The following DGKB variants were observed in gnomAD, a reference collection of about 807,000 sequenced individuals.
DGKB encodes the protein diacylglycerol kinase beta.
In DGKB, 67 loss-of-function variants were observed where a neutral mutation model predicts 114.3. The ratio of observed to expected loss-of-function variants is 0.59; its 90% CI spans 0.48 to 0.72. The LOEUF is 0.72. Ranked by LOEUF, DGKB falls within the 30% of genes least tolerant of loss-of-function variation. The pLI, the probability that DGKB is intolerant of heterozygous loss-of-function variation, is 0.00. For missense variants in DGKB, 907 were observed against 975.2 expected (o/e 0.93, Z 0.93); for synonymous variants, 398 against 323.1 (o/e 1.23, Z -2.49).
chr7:14,853,781 T>C (rs1000441575), intron 1 of DGKB, among the ~76,000 whole-genome samples: 11 of 141,006 alleles, frequency 7.8e-5, no homozygotes, highest in African/African-American at 2.9e-4. Context: ...GGCAGGAGAA[T>C]GGCGTGAACC....
At chr7:14,695,626 A>C (rs1274628679) in intron 8 of DGKB, among the ~76,000 whole-genome samples, 1 of 149,328 alleles carries the variant, frequency 6.7e-6, no homozygotes, top group Non-Finnish European at 1.5e-5. Flanking sequence ...CAGCCTCCCG[A>C]GTAGCTGGGA....
At chr7:14,753,869 A>G (rs1428254256) in intron 4 of DGKB, 59 bp downstream of exon 4, 1 of 1,025,108 alleles carries the variant, frequency 9.8e-7, no homozygotes, top group Non-Finnish European at 1.5e-6. Context: ...AGAAATTCAT[A>G]GATCATATCA....
At chr7:14,369,661 G>A (rs1817295027) in intron 21 of DGKB, among the ~76,000 whole-genome samples, 1 of 152,048 alleles carries the variant, frequency 6.6e-6, no homozygotes, top group Non-Finnish European at 1.5e-5. Flanking sequence ...TTGCATTTCT[G>A]TAATGACCAG....
chr7:14,508,662 C>T (rs1787491678), intron 20 of DGKB, among the ~76,000 whole-genome samples: 1 of 152,132 alleles, frequency 6.6e-6, no homozygotes, highest in African/African-American at 2.4e-5. Flanking sequence ...CCTATTAAAT[C>T]AGTTTTAGGG....
Position 14,236,367 on chromosome 7 carries a change from C to T in DGKB, c.2123-58216G>A, listed in dbSNP as rs546072231. Among the ~76,000 whole-genome samples, 10 of 88,634 alleles carry T rather than the reference C, an allele frequency of 1.1e-4. No individual in the cohort carries two copies. The South Asian group carries it at 2.7e-3, about 24-fold the overall frequency. 58.1% of individuals were successfully genotyped at this position (88,634 alleles called of 152,430 possible). On this transcript the variant is annotated intron_variant, in intron 23 of 25. Coordinates refer to ENST00000402815, the MANE Select transcript of DGKB (RefSeq NM_001350709.2). ...AATAAAAAAAAAGCTATTATTTCTG[C>T]CAAAAAAAAGGAAAATTAATAGCAA...
intron 23 of DGKB, among the ~76,000 whole-genome samples, chr7:14,336,218 A>G (rs914735437): frequency 6.6e-6 from 1 of 152,198 alleles, no homozygotes; most frequent in African/African-American, 2.4e-5. Context: ...GCATTTTGAG[A>G]TACTTTTGGT....
intron 19 of DGKB, among the ~76,000 whole-genome samples, chr7:14,577,863 T>C (rs1799391963): frequency 6.6e-6 from 1 of 152,182 alleles, no homozygotes. Flanking sequence ...GTGAACCAAA[T>C]GATTATTGGT....
At chr7:14,477,900 G>A (rs1472410784) in intron 21 of DGKB, among the ~76,000 whole-genome samples, 5 of 151,962 alleles carry the variant, frequency 3.3e-5, no homozygotes, top group Non-Finnish European at 2.9e-5. Flanking sequence ...TTAATTTCAT[G>A]TTTTACTTGA....
At chr7:14,191,111 C>A in intron 23 of DGKB, 1 of 165,044 alleles carries the variant, frequency 6.1e-6, no homozygotes, top group Non-Finnish European at 1.4e-5. Context: ...TGAATACAGC[C>A]ACATTTCAGG....
At chr7:14,231,136 T>TTTC (rs1791768601) in intron 23 of DGKB, among the ~76,000 whole-genome samples, 3 of 124,998 alleles carry the variant, frequency 2.4e-5, no homozygotes, top group Non-Finnish European at 5.3e-5. Flanking sequence ...TCTTTCTTTC[T>TTTC]TTCTTTCTTT....
chr7:14,166,781 C>G (rs926566073), intron 25 of DGKB, among the ~76,000 whole-genome samples: 1 of 152,022 alleles, frequency 6.6e-6, no homozygotes, highest in Non-Finnish European at 1.5e-5. Flanking sequence ...ACCTCCTGGC[C>G]TGGACTTAAA....
rs567184811 is a variant in DGKB, at chr7:14,703,018, T to C, written c.467-1288A>G. 2.7e-5 allele frequency among the ~76,000 whole-genome samples: 4 copies of C among 150,780 alleles called. No homozygotes were observed. In the South Asian group the frequency reaches 8.5e-4, roughly 32 times the overall value. ...ACTGGCTAAAAGACTTAAATATCTG[T>C]ATTGTAAATCATGGTAATGATTCCT... is the stretch of plus-strand genomic sequence containing the variant. On this transcript the variant is annotated intron_variant, in intron 6 of 25. Coordinates refer to ENST00000402815, the MANE Select transcript of DGKB (RefSeq NM_001350709.2).
At chr7:14,749,447 T>C (rs559487154) in intron 4 of DGKB, among the ~76,000 whole-genome samples, 1 of 152,274 alleles carries the variant, frequency 6.6e-6, no homozygotes, top group South Asian at 2.1e-4. Context: ...TTATGAAGAC[T>C]CAGTAGAAAG....
intron 23 of DGKB, among the ~76,000 whole-genome samples, chr7:14,201,297 C>T (rs181935781): frequency 1.7e-3 from 264 of 152,014 alleles, no homozygotes; most frequent in Middle Eastern, 6.8e-3. Flanking sequence ...GGTCTCACTC[C>T]TAGTAACATC....
At chr7:14,180,855 T>C (rs543319211) in intron 23 of DGKB, among the ~76,000 whole-genome samples, 1 of 152,218 alleles carries the variant, frequency 6.6e-6, no homozygotes, top group East Asian at 1.9e-4. Context: ...TCACCTCACA[T>C]TCTAGCTAAG....
At chr7:14,893,311 A>G (rs1781585780) in intron 1 of DGKB, among the ~76,000 whole-genome samples, 1 of 151,348 alleles carries the variant, frequency 6.6e-6, no homozygotes, top group Non-Finnish European at 1.5e-5. Flanking sequence ...ACCTCTCAGC[A>G]ACATCCAACA....
At chr7:14,356,290 G>C (rs1486377796) in intron 21 of DGKB, among the ~76,000 whole-genome samples, 5 of 146,804 alleles carry the variant, frequency 3.4e-5, no homozygotes, top group Non-Finnish European at 7.5e-5. Flanking sequence ...GTTCTGCCCT[G>C]ATCTTAGTTG....
chr7:14,832,648 A>G (rs1846583225), intron 2 of DGKB, among the ~76,000 whole-genome samples: 1 of 152,076 alleles, frequency 6.6e-6, no homozygotes, highest in Non-Finnish European at 1.5e-5. Flanking sequence ...ATTGTGGAAT[A>G]CTTTCAATCA....
In DGKB at chr7:14,682,646, T is replaced by C; in HGVS notation, c.942A>G (p.Glu314=). The C allele has an allele frequency of 6.2e-7, 1 of 1,613,356 alleles. No individual in the cohort carries two copies. The highest frequency in any genetic ancestry group is 8.5e-7 in the Non-Finnish European group (1 of 1,179,396). ...NTDVMHHYWV[E]GNCPTKCDKC... ...TATCACACTTGGTTGGGCAGTTACCTTCAACCCAGTAATGGTGCATGACCT... is the reference window on the plus strand; with the variant it reads ...TATCACACTTGGTTGGGCAGTTACCCTCAACCCAGTAATGGTGCATGACCT... The change falls in exon 12 of 26, where the codon GAA becomes GAG. Residue 314 remains glutamate, a synonymous_variant. Coordinates refer to ENST00000402815, the MANE Select transcript of DGKB (RefSeq NM_001350709.2).
Sources: allele counts gnomAD v4.1 joint callset (sites outside exome capture counted in the v4.1 genomes callset), GRCh38; gene constraint gnomAD v4.1.1; transcripts MANE v1.5; gene names NCBI Gene and HGNC (gene_info 2026-07-23, HGNC 2026-07-21).